The following NUP210L variants were observed in gnomAD, a reference collection of about 807,000 sequenced individuals.
The protein encoded by NUP210L is nucleoporin 210 like, also known as nuclear pore membrane glycoprotein 210-like.
NUP210L carries 74 observed loss-of-function variants against 208.5 expected under a neutral mutation model. The ratio of observed to expected loss-of-function variants is 0.35; its 90% confidence interval spans 0.29 to 0.43. The LOEUF (loss-of-function observed/expected upper bound fraction) is 0.43. Among genes scored for constraint, NUP210L ranks in the 20% least tolerant of loss-of-function variants. The probability of loss-of-function intolerance (pLI) is 1.00; values close to 1 mark genes in which losing one functional copy is unlikely to be tolerated. For missense variants in NUP210L, 1,843 were observed against 2,289.4 expected, an observed-to-expected ratio of 0.81 and a Z score of 3.98; for synonymous variants, 780 against 816.9, an observed-to-expected ratio of 0.95 and a Z score of 0.77.
chr1:154,057,497 T>A (rs1233868653), intron 22 of NUP210L, among the ~76,000 whole-genome samples: 1 of 152,106 alleles, frequency 6.6e-6, no homozygotes, highest in African/African-American at 2.4e-5. Flanking sequence ...TTGCAAATAC[T>A]AAATTGCCTG....
intron 25 of NUP210L, among the ~76,000 whole-genome samples, chr1:154,046,762 G>C (rs1653205716): frequency 6.6e-6 from 1 of 152,138 alleles, no homozygotes; most frequent in Admixed American, 6.6e-5. Flanking sequence ...TGAACTCATG[G>C]AGATAAAGAA....
intron 15 of NUP210L, among the ~76,000 whole-genome samples, chr1:154,094,053 T>A (rs1656064677): frequency 6.6e-6 from 1 of 151,672 alleles, no homozygotes; most frequent in Admixed American, 6.6e-5. Context: ...GGAGGCCGAG[T>A]TGGGCAGATC....
chr1:154,075,526 A>AGATGTT (rs2148020923), intron 16 of NUP210L, among the ~76,000 whole-genome samples: 1 of 152,278 alleles, frequency 6.6e-6, no homozygotes, highest in East Asian at 1.9e-4. Context: ...CAAAGAGTAC[A>AGATGTT]GATGTTACAG....
intron 14 of NUP210L, among the ~76,000 whole-genome samples, chr1:154,096,780 C>T (rs917561717): frequency 2.6e-5 from 4 of 151,166 alleles, no homozygotes; most frequent in Non-Finnish European, 5.9e-5. Context: ...ACATGTTACA[C>T]AGTGCCATAC....
intron 25 of NUP210L, among the ~76,000 whole-genome samples, chr1:154,053,562 A>C (rs975677099): frequency 9.2e-5 from 14 of 152,232 alleles, no homozygotes; most frequent in African/African-American, 3.4e-4. Context: ...GAGGGCAAGG[A>C]ACACCTGGCC....
chr1:154,118,671 C>A, exon 11 of NUP210L: 1 of 1,582,674 alleles, frequency 6.3e-7, no homozygotes, highest in Non-Finnish European at 8.6e-7. Context: ...GACACCATAC[C>A]TGTACTTTAT....
chr1:154,042,028 C>T (rs1338085814), intron 27 of NUP210L, among the ~76,000 whole-genome samples: 1 of 152,116 alleles, frequency 6.6e-6, no homozygotes, highest in Non-Finnish European at 1.5e-5. Flanking sequence ...CCAAATGAAC[C>T]TCTCAATGTT....
In NUP210L at chr1:154,042,603, A is replaced by AT. The variant is rs1237493211; in HGVS notation, c.3696+3465dup. 3.5e-5 allele frequency among the ~76,000 whole-genome samples: 5 copies of AT among 144,268 alleles called. No homozygotes were observed. The Middle Eastern group carries it at 0.017, about 481-fold the overall frequency. The allele number at this position is 144,268 out of a possible 152,430, so 94.6% of individuals were successfully genotyped here. ...CACCATGCCCGGCCAATGTTTTTGT[A>AT]TTTTTTAGTAGAGACGGGGTTTCAC... is the stretch of plus-strand genomic sequence containing the variant. On this transcript the variant is annotated intron_variant, in intron 27 of 39. Coordinates refer to ENST00000368559, the Ensembl canonical transcript of NUP210L.
At chr1:154,132,432 A>G (rs1055111466) in intron 7 of NUP210L, among the ~76,000 whole-genome samples, 9 of 152,176 alleles carry the variant, frequency 5.9e-5, no homozygotes, top group Admixed American at 3.3e-4. Context: ...TTAATTTAAC[A>G]TGTGAAAAAC....
intron 14 of NUP210L, among the ~76,000 whole-genome samples, chr1:154,098,544 G>A (rs1656293732): frequency 6.6e-6 from 1 of 152,162 alleles, no homozygotes; most frequent in African/African-American, 2.4e-5. Flanking sequence ...TCTGCTGCTG[G>A]TCATCCCAGT....
chr1:154,075,014 T>C (rs780881894), intron 16 of NUP210L, among the ~76,000 whole-genome samples: 1 of 152,186 alleles, frequency 6.6e-6, no homozygotes, highest in Non-Finnish European at 1.5e-5. Flanking sequence ...TCAAGCCAGC[T>C]GCTTTTTGAG....
At chr1:154,091,499 T>G (rs2148048284) in intron 15 of NUP210L, among the ~76,000 whole-genome samples, 1 of 149,978 alleles carries the variant, frequency 6.7e-6, no homozygotes, top group East Asian at 1.9e-4. Context: ...TTCTTTTCTT[T>G]TCTTTTTTTT....
chr1:154,093,492 T>C (rs368318287), intron 15 of NUP210L, among the ~76,000 whole-genome samples: 66 of 152,312 alleles, frequency 4.3e-4, no homozygotes, highest in African/African-American at 1.5e-3. Flanking sequence ...TAATTAGCCC[T>C]GAAATTACTG....
intron 12 of NUP210L, among the ~76,000 whole-genome samples, chr1:154,111,511 A>G (rs1390046307): frequency 6.6e-6 from 1 of 151,658 alleles, no homozygotes; most frequent in Non-Finnish European, 1.5e-5. Flanking sequence ...ATGAGCAATT[A>G]TATGCCAATA....
intron 16 of NUP210L, among the ~76,000 whole-genome samples, chr1:154,077,641 T>A (rs999588820): frequency 6.6e-6 from 1 of 152,174 alleles, no homozygotes. Flanking sequence ...TAAAGGACAG[T>A]ATAAATGTAT....
Position 154,127,294 on chromosome 1 carries a change from A to G in NUP210L, c.1185+17T>C. ...ATCCCTACAAGGAGCTCAGAAAAAT[A>G]AAAAAGACTGACTCACATCTGAAAT... On this transcript the variant is annotated intron_variant, in intron 9 of 39. Transcript: ENST00000368559. 2 of 1,329,762 alleles carry G rather than the reference A, an allele frequency of 1.5e-6. No homozygotes were observed. The allele number at this position is 1,329,762 out of a possible 1,614,324, so 82.4% of individuals were successfully genotyped here. A position where few individuals can be genotyped will look rare whatever the true frequency, so the allele number is the denominator to read the frequency against.
chr1:154,136,359 G>A (rs1658547337), intron 6 of NUP210L, among the ~76,000 whole-genome samples: 1 of 152,122 alleles, frequency 6.6e-6, no homozygotes, highest in Non-Finnish European at 1.5e-5. Flanking sequence ...GGCTGATGCA[G>A]GAGAATCGCT....
At chr1:154,001,377 T>C (rs1650203211) in intron 36 of NUP210L, among the ~76,000 whole-genome samples, 1 of 152,148 alleles carries the variant, frequency 6.6e-6, no homozygotes, top group Non-Finnish European at 1.5e-5. Context: ...TTTGTACTTT[T>C]AGTAGAGAAG....
At chr1:154,040,653 C>T (rs1322139989) in intron 27 of NUP210L, among the ~76,000 whole-genome samples, 1 of 151,004 alleles carries the variant, frequency 6.6e-6, no homozygotes, top group Non-Finnish European at 1.5e-5. Context: ...GTGGCGTGAT[C>T]TTGGCTCACT....
Sources: allele counts gnomAD v4.1 joint callset (sites outside exome capture counted in the v4.1 genomes callset), GRCh38; gene constraint gnomAD v4.1.1; transcripts MANE v1.5; gene names NCBI Gene and HGNC (gene_info 2026-07-23, HGNC 2026-07-21).